The following ARHGEF18 variants were observed in gnomAD, a reference collection of about 807,000 sequenced individuals.
The protein encoded by ARHGEF18 is rho guanine nucleotide exchange factor 18.
A neutral mutation model predicts 155.7 loss-of-function variants in ARHGEF18; 93 were observed. The observed-to-expected ratio is 0.60, with a 90% confidence interval of 0.50 to 0.71. ARHGEF18 has a LOEUF of 0.71. Among genes scored for constraint, ARHGEF18 ranks in the 30% least tolerant of loss-of-function variants. The pLI, the probability that ARHGEF18 is intolerant of heterozygous loss-of-function variation, is 0.00. For synonymous variants in ARHGEF18, 742 were observed against 753.1 expected (o/e 0.99, Z 0.24); for missense variants, 1,593 against 1,816.1 (o/e 0.88, Z 2.23).
intron 17 of ARHGEF18, among the ~76,000 whole-genome samples, chr19:7,455,030 G>A (rs1975740917): frequency 6.6e-6 from 1 of 152,150 alleles, no homozygotes; most frequent in Non-Finnish European, 1.5e-5. Context: ...TTCATTCCTG[G>A]GTTTCCTGTT....
intron 10 of ARHGEF18, among the ~76,000 whole-genome samples, chr19:7,423,205 G>A (rs1055419463): frequency 1.3e-5 from 2 of 152,102 alleles, no homozygotes; most frequent in African/African-American, 4.8e-5. Flanking sequence ...TCCGGTCTGC[G>A]TTCAGGAGAA....
At chr19:7,410,809 CAAAA>C (rs58022667) in intron 10 of ARHGEF18, among the ~76,000 whole-genome samples, 2 of 82,284 alleles carry the variant, frequency 2.4e-5, no homozygotes, top group African/African-American at 4.2e-5. Context: ...GACTCCATCT[CAAAA>C]AAAAAAAAAA....
chr19:7,454,780 G>A (rs958510640), intron 17 of ARHGEF18, among the ~76,000 whole-genome samples: 1 of 152,160 alleles, frequency 6.6e-6, no homozygotes, highest in Non-Finnish European at 1.5e-5. Context: ...GGGCATTGGT[G>A]GCACATCGAG....
At chr19:7,376,862 C>A in intron 5 of ARHGEF18, 105 bp downstream of exon 5, 1 of 843,494 alleles carries the variant, frequency 1.2e-6, no homozygotes, top group Non-Finnish European at 1.6e-6. Flanking sequence ...CCTGGAGGGT[C>A]CCCTTGGTGG....
chr19:7,352,456 G>A (rs1969181177), intron 1 of ARHGEF18, among the ~76,000 whole-genome samples: 1 of 149,666 alleles, frequency 6.7e-6, no homozygotes, highest in African/African-American at 2.5e-5. Context: ...ACTCACTCAA[G>A]AACTGTGTTC....
intron 1 of ARHGEF18, among the ~76,000 whole-genome samples, chr19:7,360,154 AAACAACAACAAC>A (rs144434108): frequency 1.0e-3 from 158 of 151,824 alleles, no homozygotes; most frequent in African/African-American, 3.7e-3. Context: ...TCTTGAAACA[AAACAACAACAAC>A]AACAACAACA....
At chr19:7,403,609 C>G (rs888915468) in intron 10 of ARHGEF18, among the ~76,000 whole-genome samples, 4 of 149,314 alleles carry the variant, frequency 2.7e-5, no homozygotes, top group Non-Finnish European at 5.9e-5. Context: ...GGAATCACAG[C>G]TCACTGAAGC....
In ARHGEF18 at chr19:7,440,320, A is replaced by C; in HGVS notation, c.968-24A>C. The C allele has an allele frequency of 1.2e-6, 2 of 1,607,922 alleles. No individual in the cohort carries two copies. Among genetic ancestry groups the C allele is most frequent in the Admixed American group, 1.7e-5 (1 of 58,758 alleles). ...TACCCGACCCACTTTCTCAGCACCA[A>C]CTCTGTCCTTGCCTCTGTCACAGCC... On this transcript the variant is annotated intron_variant, in intron 10 of 28. Coordinates refer to ENST00000668164, the MANE Select transcript of ARHGEF18 (RefSeq NM_001367823.1). The surrounding 1 kb of genome is among the most constrained non-coding windows in gnomAD (Gnocchi z 5.4).
At chr19:7,456,224 A>G (rs547749985) in intron 17 of ARHGEF18, 103 bp from the exon 18 acceptor site, 98 of 1,023,980 alleles carry the variant, frequency 9.6e-5, no homozygotes, top group African/African-American at 6.6e-4. Context: ...CAGAAGCATC[A>G]TGCTGCTTAC....
intron 1 of ARHGEF18, chr19:7,355,835 T>C (rs1969280202): frequency 2.4e-6 from 1 of 417,106 alleles, no homozygotes; most frequent in Non-Finnish European, 3.2e-6. Context: ...CTGGATTCCA[T>C]GACCCCTGAT....
chr19:7,354,883 G>A (rs1462719464), intron 1 of ARHGEF18, among the ~76,000 whole-genome samples: 1 of 152,114 alleles, frequency 6.6e-6, no homozygotes, highest in African/African-American at 2.4e-5. Context: ...CTGGGTGACA[G>A]AGCAAGACCC....
chr19:7,385,930 CTCTCT>C (rs1971034311), intron 10 of ARHGEF18, among the ~76,000 whole-genome samples: 1 of 95,996 alleles, frequency 1.0e-5, no homozygotes, highest in African/African-American at 4.5e-5. Flanking sequence ...CTCTCTCTCT[CTCTCT>C]CCCCCTCTCC....
rs546582638 is a variant in ARHGEF18 at position 7,371,672 on chromosome 19, T to A, written c.16-1140T>A. On this transcript the variant is annotated intron_variant, in intron 2 of 28. Transcript: ENST00000668164. ...ACCATCTCCACTAAAAATACAAAAA[T>A]TAGCCGGACATAATGGTGGGTGCCT... Among the ~76,000 whole-genome samples the A allele has an allele frequency of 3.9e-5, 6 of 151,926 alleles. No homozygotes were observed. The South Asian group carries it at 1.2e-3, about 32-fold the overall frequency.
intron 10 of ARHGEF18, among the ~76,000 whole-genome samples, chr19:7,424,240 G>T (rs1973526874): frequency 6.6e-6 from 1 of 151,988 alleles, no homozygotes; most frequent in African/African-American, 2.4e-5. Flanking sequence ...TGGTCAGGCT[G>T]GTCTCGAACT....
chr19:7,417,590 G>T (rs1054297365), intron 10 of ARHGEF18, among the ~76,000 whole-genome samples: 1 of 152,118 alleles, frequency 6.6e-6, no homozygotes, highest in Non-Finnish European at 1.5e-5. Flanking sequence ...CCAGCTACTC[G>T]GGAGACTGAG....
At chr19:7,459,206 C>T (rs1026186151) in intron 19 of ARHGEF18, among the ~76,000 whole-genome samples, 2 of 151,272 alleles carry the variant, frequency 1.3e-5, no homozygotes, top group South Asian at 2.1e-4. Flanking sequence ...CCACTGCGCC[C>T]AGCCTATTTT....
At chr19:7,450,951 A>T (rs978393807) in intron 15 of ARHGEF18, among the ~76,000 whole-genome samples, 198 bp from the exon 16 acceptor site, 1 of 152,210 alleles carries the variant, frequency 6.6e-6, no homozygotes. Context: ...CGAGATGTTA[A>T]TGCGGGATCT....
chr19:7,349,284 G>C (rs1355297034), intron 1 of ARHGEF18, 43 bp downstream of exon 1: 1 of 152,484 alleles, frequency 6.6e-6, no homozygotes, highest in Non-Finnish European at 1.5e-5. Context: ...GGACCCATCG[G>C]GACAGAGTGG....
intron 14 of ARHGEF18, 87 bp from the exon 15 acceptor site, chr19:7,446,956 T>C (rs1975038501): frequency 6.8e-7 from 1 of 1,479,476 alleles, no homozygotes; most frequent in Non-Finnish European, 9.1e-7. Context: ...ATCTAATATT[T>C]ATTTTAGCAG....
Sources: allele counts gnomAD v4.1 joint callset (sites outside exome capture counted in the v4.1 genomes callset), GRCh38; gene constraint gnomAD v4.1.1; non-coding constraint Gnocchi (gnomAD v3.1); transcripts MANE v1.5; gene names NCBI Gene and HGNC (gene_info 2026-07-23, HGNC 2026-07-21).